The following PPM1L variants were observed in gnomAD, a reference collection of about 807,000 sequenced individuals.
PPM1L encodes the protein protein phosphatase, Mg2+/Mn2+ dependent 1L.
In PPM1L, 13 loss-of-function variants were observed where a neutral mutation model predicts 31.4. The ratio of observed to expected loss-of-function variants is 0.41; its 90% CI spans 0.27 to 0.66. PPM1L has a LOEUF of 0.66. Ranked by LOEUF, PPM1L falls within the 30% of genes least tolerant of loss-of-function variation. PPM1L has a pLI of 0.29. For synonymous variants in PPM1L, 184 were observed against 175.4 expected, an observed-to-expected ratio of 1.05 and a Z score of -0.39; for missense variants, 326 against 453.7, an observed-to-expected ratio of 0.72 and a Z score of 2.56.
At chr3:160,777,878 A>G (rs757652503) in intron 1 of PPM1L, among the ~76,000 whole-genome samples, 1 of 152,202 alleles carries the variant, frequency 6.6e-6, no homozygotes, top group Non-Finnish European at 1.5e-5. Context: ...GGATATATTT[A>G]TACCTAGAAG....
rs190757206 is a variant in PPM1L, at chr3:160,932,962, A to G, written c.400-28774A>G. On this transcript the variant is annotated intron_variant, in intron 1 of 3. Transcript: ENST00000498165. ...CCAGGTGTTATGGTAGGCTTTTAATATGTGCTAGTTCTCTTTCCCTTTAAA... is the reference window on the plus strand; with the variant it reads ...CCAGGTGTTATGGTAGGCTTTTAATGTGTGCTAGTTCTCTTTCCCTTTAAA... Among the ~76,000 whole-genome samples the G allele has an allele frequency of 2.0e-4, 31 of 152,294 alleles. No homozygotes were observed. In the East Asian group the frequency reaches 5.6e-3, roughly 27 times the overall value.
chr3:160,908,514 A>G (rs748646857), intron 1 of PPM1L, among the ~76,000 whole-genome samples: 4 of 152,194 alleles, frequency 2.6e-5, no homozygotes, highest in African/African-American at 9.6e-5. Flanking sequence ...TAGTCTGCTT[A>G]TTACTACTTT....
intron 2 of PPM1L, among the ~76,000 whole-genome samples, chr3:160,989,151 T>C (rs1717052393): frequency 6.6e-6 from 1 of 152,208 alleles, no homozygotes; most frequent in African/African-American, 2.4e-5. Flanking sequence ...GCTAAAGCCC[T>C]GCGTTTCCTA....
chr3:160,878,779 A>C (rs1208815538), intron 1 of PPM1L, among the ~76,000 whole-genome samples: 1 of 152,216 alleles, frequency 6.6e-6, no homozygotes, highest in East Asian at 1.9e-4. Flanking sequence ...TATCAGGTAT[A>C]GATTATGGAA....
intron 2 of PPM1L, among the ~76,000 whole-genome samples, chr3:161,018,665 A>G (rs1718153214): frequency 6.6e-6 from 1 of 152,186 alleles, no homozygotes; most frequent in Non-Finnish European, 1.5e-5. Context: ...TCCAATTATT[A>G]TGAAGCTGAT....
chr3:160,979,510 C>G (rs1345490761), intron 2 of PPM1L, among the ~76,000 whole-genome samples: 1 of 152,004 alleles, frequency 6.6e-6, no homozygotes, highest in Non-Finnish European at 1.5e-5. Context: ...GTGGCCCCAG[C>G]CAGGAAACAA....
intron 2 of PPM1L, among the ~76,000 whole-genome samples, chr3:161,009,243 A>G (rs1047436474): frequency 3.9e-5 from 6 of 152,076 alleles, no homozygotes; most frequent in African/African-American, 1.4e-4. Context: ...ATCCTGGATC[A>G]CTCTTGAATG....
At chr3:161,053,515 A>G (rs1719331921) in intron 2 of PPM1L, among the ~76,000 whole-genome samples, 1 of 152,254 alleles carries the variant, frequency 6.6e-6, no homozygotes, top group African/African-American at 2.4e-5. Flanking sequence ...ACAGCAGTTG[A>G]AATGTGAAGT....
intron 1 of PPM1L, among the ~76,000 whole-genome samples, chr3:160,778,039 A>G (rs1711610743): frequency 6.6e-6 from 1 of 152,040 alleles, no homozygotes; most frequent in Non-Finnish European, 1.5e-5. Context: ...ATATTTTATA[A>G]TATTTGGGGA....
chr3:160,925,462 A>G (rs927687070), intron 1 of PPM1L, among the ~76,000 whole-genome samples: 13 of 152,172 alleles, frequency 8.5e-5, no homozygotes, highest in Non-Finnish European at 1.8e-4. Flanking sequence ...TATTGTTCTA[A>G]TGTGATTATT....
At chr3:160,875,595 T>G (rs1310885240) in intron 1 of PPM1L, among the ~76,000 whole-genome samples, 1 of 152,220 alleles carries the variant, frequency 6.6e-6, no homozygotes, top group African/African-American at 2.4e-5. Context: ...TTAAATAAAA[T>G]AGCTAGAAGT....
chr3:161,066,070 G>A (rs1439479840), intron 3 of PPM1L, among the ~76,000 whole-genome samples: 1 of 152,216 alleles, frequency 6.6e-6, no homozygotes, highest in Non-Finnish European at 1.5e-5. Flanking sequence ...ATCCTATGTG[G>A]ACGTCTTGGG....
At chr3:161,031,756 C>T (rs1718572572) in intron 2 of PPM1L, among the ~76,000 whole-genome samples, 1 of 152,082 alleles carries the variant, frequency 6.6e-6, no homozygotes, top group Non-Finnish European at 1.5e-5. Context: ...TCCACCTCAG[C>T]CTCCCAACGT....
intron 1 of PPM1L, among the ~76,000 whole-genome samples, chr3:160,933,334 A>G (rs79301224): frequency 0.016 from 2,422 of 152,216 alleles, 58 homozygotes; most frequent in African/African-American, 0.053. Flanking sequence ...TTTCTAGAAA[A>G]GTTTTTGAAC....
At chr3:161,043,040 ATT>A (rs1250328752) in intron 2 of PPM1L, among the ~76,000 whole-genome samples, 4 of 104,114 alleles carry the variant, frequency 3.8e-5, no homozygotes, top group Non-Finnish European at 1.9e-5. Flanking sequence ...AAAAATTGTT[ATT>A]TTTTTTTTTT....
chr3:160,985,232 C>T (rs764749764), intron 2 of PPM1L, among the ~76,000 whole-genome samples: 14 of 152,042 alleles, frequency 9.2e-5, no homozygotes, highest in Non-Finnish European at 1.5e-4. Flanking sequence ...TGGTGATTTC[C>T]GAGATTTTGG....
At chr3:161,049,056 G>A (rs1320769703) in intron 2 of PPM1L, among the ~76,000 whole-genome samples, 1 of 147,982 alleles carries the variant, frequency 6.8e-6, no homozygotes, top group African/African-American at 2.5e-5. Flanking sequence ...TTGTGAACAT[G>A]TACCCTAGAA....
chr3:160,923,470 GC>G (rs1192656445), intron 1 of PPM1L, among the ~76,000 whole-genome samples: 5 of 152,090 alleles, frequency 3.3e-5, no homozygotes, highest in Non-Finnish European at 7.4e-5. Context: ...AGAAAATATG[GC>G]CTTATTTTAG....
At chr3:161,058,187 C>T (rs1351258398) in intron 2 of PPM1L, among the ~76,000 whole-genome samples, 3 of 120,344 alleles carry the variant, frequency 2.5e-5, no homozygotes, top group South Asian at 2.9e-4. Context: ...TGCAGTGGCA[C>T]GATCTTGGCT....
Sources: gnomAD v4.1 joint callset for allele counts (sites outside exome capture counted in the v4.1 genomes callset) on GRCh38, gnomAD v4.1.1 for gene constraint, MANE v1.5 for transcripts, NCBI Gene and HGNC (gene_info 2026-07-23, HGNC 2026-07-21) for gene names.